The following ERI3 variants were observed in gnomAD, a reference collection of about 807,000 sequenced individuals.
ERI3 encodes the protein ERI1 exoribonuclease 3.
A neutral mutation model predicts 44.4 loss-of-function variants in ERI3; 18 were observed. The observed-to-expected ratio is 0.41, with a 90% CI of 0.28 to 0.60. ERI3 has a LOEUF of 0.60. ERI3 is among the 20% of genes least tolerant of loss of function. The pLI, the probability that ERI3 is intolerant of heterozygous loss-of-function variation, is 0.36. For missense variants in ERI3, 294 were observed against 435.5 expected, an observed-to-expected ratio of 0.68 and a Z score of 2.89; for synonymous variants, 183 against 164.8, an observed-to-expected ratio of 1.11 and a Z score of -0.84.
intron 1 of ERI3, 80 bp downstream of exon 1, chr1:44,354,812 T>A (rs1347867231): frequency 1.5e-6 from 2 of 1,304,310 alleles, no homozygotes; most frequent in African/African-American, 1.5e-5. Context: ...CCAGGTTGCA[T>A]AAATTCTGCG....
chr1:44,249,601 A>G (rs1644632690), intron 7 of ERI3, among the ~76,000 whole-genome samples: 1 of 152,134 alleles, frequency 6.6e-6, no homozygotes, highest in Non-Finnish European at 1.5e-5. Flanking sequence ...CCACAGCCCA[A>G]CTTCCCAGCC....
At chr1:44,314,659 C>T (rs917883176) in intron 4 of ERI3, among the ~76,000 whole-genome samples, 2 of 152,130 alleles carry the variant, frequency 1.3e-5, no homozygotes, top group Admixed American at 1.3e-4. Context: ...CCGCTAAGGG[C>T]TGGGGGGCTG....
At chr1:44,286,059 C>G (rs1645388618) in intron 6 of ERI3, among the ~76,000 whole-genome samples, 1 of 152,094 alleles carries the variant, frequency 6.6e-6, no homozygotes, top group South Asian at 2.1e-4. Flanking sequence ...AATGTGGGAC[C>G]CAGTGAGAAA....
intron 6 of ERI3, among the ~76,000 whole-genome samples, chr1:44,307,708 G>A (rs1435669759): frequency 1.3e-5 from 2 of 152,188 alleles, no homozygotes; most frequent in South Asian, 2.1e-4. Flanking sequence ...GGCTGGTGAC[G>A]TGGGCAGCTT....
intron 7 of ERI3, among the ~76,000 whole-genome samples, chr1:44,263,316 T>C (rs1270125036): frequency 1.3e-5 from 2 of 152,162 alleles, no homozygotes; most frequent in South Asian, 2.1e-4. Context: ...ACAGTCTCAG[T>C]GAAGGGGAAC....
chr1:44,271,749 A>C (rs995755652), intron 7 of ERI3, among the ~76,000 whole-genome samples: 1 of 152,226 alleles, frequency 6.6e-6, no homozygotes, highest in African/African-American at 2.4e-5. Context: ...AAGGTAAGTA[A>C]CTTGTCCAAG....
Position 44,303,097 on chromosome 1 carries a change from C to T in ERI3, c.758+5213G>A, listed in dbSNP as rs141958702. 2.0e-5 allele frequency among the ~76,000 whole-genome samples: 3 copies of T among 152,316 alleles called. No homozygotes were observed. The East Asian group carries it at 5.8e-4, about 29-fold the overall frequency. ...TGTTCACTTTTCCAGGAGTCCCAAC[C>T]CTCAGTTCTGGAGGCACAAATCTCT... On this transcript the variant is annotated intron_variant, in intron 6 of 8. Coordinates refer to ENST00000372257, the MANE Select transcript of ERI3 (RefSeq NM_024066.3).
At chr1:44,314,493 A>G (rs1400838962) in intron 4 of ERI3, among the ~76,000 whole-genome samples, 1 of 152,214 alleles carries the variant, frequency 6.6e-6, no homozygotes, top group Non-Finnish European at 1.5e-5. Flanking sequence ...GTCTAAAAGG[A>G]AAATAAATTA....
chr1:44,347,879 TTGTGTG>T (rs113526509), intron 2 of ERI3, among the ~76,000 whole-genome samples: 6 of 148,786 alleles, frequency 4.0e-5, no homozygotes, highest in African/African-American at 7.4e-5. Context: ...GATTGTTTTG[TTGTGTG>T]TGTGTGTGTG....
intron 2 of ERI3, among the ~76,000 whole-genome samples, chr1:44,348,004 C>G (rs1646818003): frequency 6.6e-6 from 1 of 152,038 alleles, no homozygotes; most frequent in South Asian, 2.1e-4. Flanking sequence ...CCTCTGTATT[C>G]CCAGCACCCA....
intron 5 of ERI3, among the ~76,000 whole-genome samples, chr1:44,312,042 A>G (rs1460999072): frequency 6.6e-6 from 1 of 152,090 alleles, no homozygotes; most frequent in Non-Finnish European, 1.5e-5. Flanking sequence ...GGGACAGGAA[A>G]TACACTCTGC....
chr1:44,344,792 G>A (rs995043514), intron 2 of ERI3, among the ~76,000 whole-genome samples: 9 of 152,192 alleles, frequency 5.9e-5, no homozygotes, highest in Admixed American at 2.0e-4. Context: ...ATCCTTTTCC[G>A]TCTCCTAGCA....
rs147525098 is a variant in ERI3, at chr1:44,326,850, T to G, written c.490-7106A>C. Among the ~76,000 whole-genome samples, 1,395 of 152,328 alleles carry G rather than the reference T, an allele frequency of 9.2e-3. 9 individuals are homozygous for G. The highest frequency in any genetic ancestry group is 0.015 in the Non-Finnish European group (996 of 68,026). On this transcript the variant is annotated intron_variant, in intron 3 of 8. Coordinates refer to ENST00000372257, the MANE Select transcript of ERI3 (RefSeq NM_024066.3). ...AGGCTGAAAATAGACACTGCTATTC[T>G]TTATTTGAGGAGAGTATGGGTGCAA...
At chr1:44,294,935 C>T (rs1168426141) in intron 6 of ERI3, among the ~76,000 whole-genome samples, 1 of 152,196 alleles carries the variant, frequency 6.6e-6, no homozygotes, top group Non-Finnish European at 1.5e-5. Flanking sequence ...ATCCTCCTAG[C>T]GTTCAGGATC....
At chr1:44,233,013 T>C (rs979425082) in intron 8 of ERI3, among the ~76,000 whole-genome samples, 4 of 152,332 alleles carry the variant, frequency 2.6e-5, no homozygotes, top group African/African-American at 9.6e-5. Context: ...TTATTCCCTT[T>C]TCCTTGTCAC....
Position 44,354,930 on chromosome 1 carries a change from A to AG in ERI3, c.96dup (p.Trp33LeufsTer120). ...CCCCAACTCGGGCCCATCCAAGTCC[A>AG]GGGGAGAGTAAGGGGAGGGGCGGGG... is the stretch of plus-strand genomic sequence containing the variant. On this transcript the variant is annotated frameshift_variant, in exon 1 of 9. Coordinates refer to ENST00000372257, the MANE Select transcript of ERI3 (RefSeq NM_024066.3). LOFTEE classifies it high-confidence loss of function. 7.5e-7 allele frequency: 1 copy of AG among 1,330,886 alleles called. No homozygotes were observed. Among genetic ancestry groups the AG allele is most frequent in the African/African-American group, 1.5e-5 (1 of 66,608 alleles). 82.4% of individuals were successfully genotyped at this position (1,330,886 alleles called of 1,614,324 possible).
intron 8 of ERI3, chr1:44,230,413 T>C (rs1052061490): frequency 6.6e-6 from 1 of 152,238 alleles, no homozygotes; most frequent in Non-Finnish European, 1.5e-5. Flanking sequence ...AGGGGTTGGC[T>C]ACTGAGAACA....
chr1:44,352,591 A>G (rs1303147320), intron 2 of ERI3, among the ~76,000 whole-genome samples: 1 of 152,212 alleles, frequency 6.6e-6, no homozygotes, highest in East Asian at 1.9e-4. Context: ...AGATGCCCAT[A>G]AAGCAGTTGT....
intron 1 of ERI3, 160 bp downstream of exon 1, chr1:44,354,732 G>C (rs1366880237): frequency 2.0e-6 from 2 of 984,964 alleles, no homozygotes; most frequent in Non-Finnish European, 2.4e-6. Context: ...GCTCTGCCCC[G>C]CTCCCCCTCC....
Sources: gnomAD v4.1 joint callset for allele counts (sites outside exome capture counted in the v4.1 genomes callset) on GRCh38, gnomAD v4.1.1 for gene constraint, MANE v1.5 for transcripts, NCBI Gene and HGNC (gene_info 2026-07-23, HGNC 2026-07-21) for gene names.